The following MACROD2 variants were observed in gnomAD, a reference collection of about 807,000 sequenced individuals.
MACROD2 encodes the protein ADP-ribose glycohydrolase MACROD2.
In MACROD2, 36 loss-of-function variants were observed where a neutral mutation model predicts 70.4. The observed-to-expected ratio is 0.51, with a 90% CI of 0.39 to 0.68. The LOEUF is 0.68. MACROD2 is among the 30% of genes least tolerant of loss of function. MACROD2 has a pLI of 0.00. For synonymous variants in MACROD2, 172 were observed against 178.8 expected (o/e 0.96, Z 0.30); for missense variants, 496 against 538.4 (o/e 0.92, Z 0.78).
intron 7 of MACROD2, among the ~76,000 whole-genome samples, chr20:15,498,915 G>GAT (rs1199414107): frequency 6.6e-6 from 1 of 152,188 alleles, no homozygotes; most frequent in Non-Finnish European, 1.5e-5. Flanking sequence ...GATGGGATTT[G>GAT]GTGATTAGGA....
chr20:15,957,229 C>T lies in MACROD2; in HGVS notation c.908-10324C>T, dbSNP rs73900890. The stretch of plus-strand genomic sequence containing the variant: ...CTGGTCCTGGTTATGCAGGAGTATT[C>T]ATTTTGTGATAATTCATCAAGCTGC... On this transcript the variant is annotated intron_variant, in intron 12 of 17. Transcript: ENST00000684519. Among the ~76,000 whole-genome samples, 1,492 of 152,162 alleles carry T rather than the reference C, an allele frequency of 9.8e-3. 13 individuals are homozygous for T. The highest frequency in any genetic ancestry group is 0.029 in the African/African-American group (1,195 of 41,526).
At chr20:14,424,399 A>G (rs1243851827) in intron 3 of MACROD2, among the ~76,000 whole-genome samples, 3 of 152,190 alleles carry the variant, frequency 2.0e-5, no homozygotes, top group Non-Finnish European at 4.4e-5. Flanking sequence ...TACAATTACA[A>G]CTACAATACC....
chr20:14,402,557 C>T lies in MACROD2; in HGVS notation c.272-90922C>T, dbSNP rs1026730776. Among the ~76,000 whole-genome samples the T allele has an allele frequency of 1.1e-4, 17 of 151,950 alleles. No individual in the cohort carries two copies. The East Asian group carries it at 1.4e-3, about 12-fold the overall frequency. On this transcript the variant is annotated intron_variant, in intron 3 of 17. Coordinates refer to ENST00000684519, the MANE Select transcript of MACROD2 (RefSeq NM_001351661.2). ...TGTGTGTGAGTGTGTTTGTGTATGT[C>T]TGTGGGGTTTTGCTACAAAGGTTAA...
intron 3 of MACROD2, among the ~76,000 whole-genome samples, chr20:14,401,975 C>G (rs1046997849): frequency 6.6e-6 from 1 of 152,058 alleles, no homozygotes; most frequent in African/African-American, 2.4e-5. Flanking sequence ...TGCCAACAAA[C>G]CAGAGATTTT....
chr20:15,973,128 G>A (rs1385918315), intron 13 of MACROD2, among the ~76,000 whole-genome samples: 2 of 152,054 alleles, frequency 1.3e-5, no homozygotes, highest in Non-Finnish European at 2.9e-5. Flanking sequence ...CTGCCTGGCT[G>A]GATGGTTATC....
chr20:15,465,615 G>T (rs1423463810), intron 7 of MACROD2, among the ~76,000 whole-genome samples: 2 of 152,276 alleles, frequency 1.3e-5, no homozygotes, highest in Admixed American at 6.5e-5. Context: ...CAATCGGGCA[G>T]GGTGTTGGGC....
chr20:15,818,473 A>G (rs1345020687), intron 8 of MACROD2, among the ~76,000 whole-genome samples: 4 of 152,064 alleles, frequency 2.6e-5, no homozygotes, highest in Non-Finnish European at 5.9e-5. Context: ...ATGCTAATGT[A>G]TTCGAATTAG....
At chr20:14,685,451 C>T (rs576210686) in intron 5 of MACROD2, among the ~76,000 whole-genome samples, 1 of 152,320 alleles carries the variant, frequency 6.6e-6, no homozygotes, top group African/African-American at 2.4e-5. Context: ...ACTTTGCTTT[C>T]AGGAAAAGCC....
intron 8 of MACROD2, among the ~76,000 whole-genome samples, chr20:15,763,680 T>TAA (rs11477029): frequency 2.0e-5 from 3 of 150,456 alleles, no homozygotes; most frequent in African/African-American, 4.9e-5. Flanking sequence ...AATCTTGCCT[T>TAA]AAAAAAAAAA....
intron 3 of MACROD2, among the ~76,000 whole-genome samples, chr20:14,365,258 A>T (rs985291831): frequency 2.0e-5 from 3 of 152,048 alleles, no homozygotes; most frequent in African/African-American, 7.2e-5. Flanking sequence ...GTTGGTACAC[A>T]ATTATTTATA....
At chr20:15,516,102 C>G (rs1357054028) in intron 8 of MACROD2, among the ~76,000 whole-genome samples, 1 of 152,152 alleles carries the variant, frequency 6.6e-6, no homozygotes, top group African/African-American at 2.4e-5. Flanking sequence ...CACCAGACAA[C>G]CTTGGTCTTT....
At chr20:16,042,204 C>T (rs542726315) in intron 16 of MACROD2, among the ~76,000 whole-genome samples, 2 of 152,016 alleles carry the variant, frequency 1.3e-5, no homozygotes, top group Non-Finnish European at 2.9e-5. Context: ...ATAAGCCCAT[C>T]GGCTTATATT....
intron 5 of MACROD2, among the ~76,000 whole-genome samples, chr20:15,123,601 A>G (rs1351606553): frequency 2.7e-5 from 1 of 37,096 alleles, no homozygotes; most frequent in Non-Finnish European, 5.2e-5. Flanking sequence ...TGTGAAATTC[A>G]TTGCACTTAT....
At chr20:14,834,067 A>G (rs2073001342) in intron 5 of MACROD2, among the ~76,000 whole-genome samples, 1 of 152,124 alleles carries the variant, frequency 6.6e-6, no homozygotes, top group African/African-American at 2.4e-5. Flanking sequence ...GTTTATATAG[A>G]TAAATGAAAC....
intron 5 of MACROD2, among the ~76,000 whole-genome samples, chr20:14,768,347 G>A (rs913697095): frequency 1.5e-4 from 23 of 152,108 alleles, no homozygotes; most frequent in Middle Eastern, 6.8e-3. Flanking sequence ...TACTTTCTAG[G>A]GTTGCTGCAG....
chr20:15,354,611 G>C (rs564091077), intron 6 of MACROD2, among the ~76,000 whole-genome samples: 5 of 152,152 alleles, frequency 3.3e-5, no homozygotes, highest in African/African-American at 1.2e-4. Context: ...TATCGGCCCA[G>C]TAATCCCACT....
chr20:15,914,447 T>C (rs1198878305), intron 10 of MACROD2, among the ~76,000 whole-genome samples: 1 of 152,192 alleles, frequency 6.6e-6, no homozygotes, highest in Non-Finnish European at 1.5e-5. Flanking sequence ...AGTGGGAATT[T>C]GTGTACTTTA....
intron 8 of MACROD2, among the ~76,000 whole-genome samples, chr20:15,719,129 T>C (rs957931377): frequency 1.3e-5 from 2 of 152,198 alleles, no homozygotes; most frequent in Non-Finnish European, 2.9e-5. Context: ...TACTCACGAA[T>C]GCTACTGAAC....
intron 3 of MACROD2, among the ~76,000 whole-genome samples, chr20:14,100,358 TA>T (rs1364917584): frequency 2.6e-5 from 4 of 151,528 alleles, no homozygotes; most frequent in Non-Finnish European, 5.9e-5. Context: ...AGGTTGATAT[TA>T]ATAGTTTGCT....
Sources: allele counts gnomAD v4.1 joint callset (sites outside exome capture counted in the v4.1 genomes callset), GRCh38; gene constraint gnomAD v4.1.1; transcripts MANE v1.5; gene names NCBI Gene and HGNC (gene_info 2026-07-23, HGNC 2026-07-21).